NOX4: variants seen among roughly 807,000 people sequenced by gnomAD.
The protein encoded by NOX4 is NADPH oxidase 4.
NOX4 carries 69 observed loss-of-function variants against 87.6 expected under a neutral mutation model. That is an observed-to-expected ratio of 0.79 (90% confidence interval 0.65 to 0.96). NOX4 has a LOEUF of 0.96. Ranked by LOEUF, NOX4 falls within the 40% of genes least tolerant of loss-of-function variation. The pLI, the probability that NOX4 is intolerant of heterozygous loss-of-function variation, is 0.00. For missense variants in NOX4, 680 were observed against 681.5 expected, an observed-to-expected ratio of 1.00 and a Z score of 0.02; for synonymous variants, 275 against 238.2, an observed-to-expected ratio of 1.15 and a Z score of -1.42.
the NOX4 span, among the ~76,000 whole-genome samples, chr11:89,586,844 T>C: frequency 1.3e-4 from 20 of 152,076 alleles, no homozygotes; most frequent in African/African-American, 3.9e-4. Flanking sequence ...TACATTGACA[T>C]GGAGATAGGC....
intron 7 of NOX4, among the ~76,000 whole-genome samples, chr11:89,431,384 C>T (rs1202845772): frequency 2.0e-5 from 3 of 152,088 alleles, no homozygotes; most frequent in African/African-American, 7.2e-5. Context: ...AGCTTCTGCA[C>T]AGCAAAAGAA....
chr11:89,502,503 A>C (rs1447637459), upstream of NOX4, among the ~76,000 whole-genome samples: 1 of 152,060 alleles, frequency 6.6e-6, no homozygotes, highest in African/African-American at 2.4e-5. Flanking sequence ...GAGCAACTCA[A>C]TAAGAAACTG....
At chr11:89,408,377 T>C (rs1942301024) in intron 8 of NOX4, among the ~76,000 whole-genome samples, 1 of 152,204 alleles carries the variant, frequency 6.6e-6, no homozygotes, top group Non-Finnish European at 1.5e-5. Flanking sequence ...GTCTATATTT[T>C]AGCAAATGGC....
chr11:89,492,655 A>G (rs887068845), upstream of NOX4, among the ~76,000 whole-genome samples: 1 of 152,128 alleles, frequency 6.6e-6, no homozygotes, highest in African/African-American at 2.4e-5. Context: ...AATCTTTCTG[A>G]AGTTAGAGAG....
At chr11:89,573,935 G>T in the NOX4 span, among the ~76,000 whole-genome samples, 1 of 152,116 alleles carries the variant, frequency 6.6e-6, no homozygotes, top group Non-Finnish European at 1.5e-5. Context: ...CCCATCTGAG[G>T]ATTCCTTCCC....
chr11:89,420,359 T>C (rs1397369549), intron 8 of NOX4, among the ~76,000 whole-genome samples: 1 of 152,194 alleles, frequency 6.6e-6, no homozygotes, highest in Non-Finnish European at 1.5e-5. Context: ...TGGTTATTCA[T>C]AGTCCTCTTC....
At chr11:89,446,758 G>T (rs1165800850) in intron 4 of NOX4, among the ~76,000 whole-genome samples, 3 of 152,078 alleles carry the variant, frequency 2.0e-5, no homozygotes, top group African/African-American at 7.2e-5. Flanking sequence ...GATTTTTAGG[G>T]CAATGAACTA....
the NOX4 span, among the ~76,000 whole-genome samples, chr11:89,520,208 TA>T: frequency 3.3e-5 from 5 of 151,534 alleles, no homozygotes; most frequent in African/African-American, 1.2e-4. Flanking sequence ...CTGAAGAGGC[TA>T]AAAAAAAGGT....
In NOX4 at chr11:89,355,006, T is replaced by A. The variant is rs770742630; in HGVS notation, c.1173A>T (p.Gln391His). ...FRDLLLPPSS[Q>H]DSEILPFIQS... ...GAATGAAGGGCAGAATTTCGGAGTC[T>A]TGACTAGATGGAGGCAGTAGTAAAT... The change falls in exon 13 of 18, where the codon CAA (glutamine) becomes CAT (histidine). Residue 391 changes from glutamine to histidine, a missense_variant. Coordinates refer to ENST00000263317, the MANE Select transcript of NOX4 (RefSeq NM_016931.5). The A allele has an allele frequency of 1.7e-5, 27 of 1,604,454 alleles. No homozygotes were observed. In the East Asian group the frequency reaches 6.1e-4, roughly 36 times the overall value.
chr11:89,389,014 A>C (rs539274377), intron 11 of NOX4, among the ~76,000 whole-genome samples: 1 of 152,328 alleles, frequency 6.6e-6, no homozygotes, highest in South Asian at 2.1e-4. Flanking sequence ...CCACAGTCAT[A>C]ATACTAGGAA....
At chr11:89,578,395 C>T in the NOX4 span, among the ~76,000 whole-genome samples, 4 of 152,262 alleles carry the variant, frequency 2.6e-5, no homozygotes, top group African/African-American at 4.8e-5. Context: ...CTCTTGACCT[C>T]GTGATCCTCC....
intron 2 of NOX4, among the ~76,000 whole-genome samples, chr11:89,473,486 C>T (rs182229780): frequency 1.3e-5 from 2 of 151,034 alleles, no homozygotes; most frequent in East Asian, 3.9e-4. Context: ...TGAGAGAAAA[C>T]GCACATGACA....
chr11:89,570,281 C>A, the NOX4 span, among the ~76,000 whole-genome samples: 15 of 152,122 alleles, frequency 9.9e-5, no homozygotes, highest in Non-Finnish European at 1.9e-4. Context: ...CATGTTCTCA[C>A]TTATAAGTGG....
At chr11:89,347,039 T>G (rs566750532) in intron 13 of NOX4, among the ~76,000 whole-genome samples, 59 of 152,260 alleles carry the variant, frequency 3.9e-4, no homozygotes, top group Non-Finnish European at 7.5e-4. Flanking sequence ...CATCCAGGTA[T>G]TCGAATTTCA....
intron 17 of NOX4, among the ~76,000 whole-genome samples, chr11:89,334,536 T>C (rs1236382532): frequency 1.3e-5 from 2 of 151,772 alleles, no homozygotes; most frequent in Non-Finnish European, 3.0e-5. Flanking sequence ...GAGATAGGGA[T>C]CATCTTGAAT....
chr11:89,376,621 G>T (rs1052246376), intron 11 of NOX4, among the ~76,000 whole-genome samples: 3 of 152,154 alleles, frequency 2.0e-5, no homozygotes, highest in Non-Finnish European at 4.4e-5. Flanking sequence ...AGTGGCTCAC[G>T]CCTGTAATCC....
the NOX4 span, among the ~76,000 whole-genome samples, chr11:89,573,276 G>T: frequency 6.6e-6 from 1 of 152,334 alleles, no homozygotes; most frequent in South Asian, 2.1e-4. Context: ...GGTGGCTCAT[G>T]CCTGTAATCC....
At chr11:89,454,658 A>C (rs1264916530) in intron 2 of NOX4, among the ~76,000 whole-genome samples, 6 of 152,176 alleles carry the variant, frequency 3.9e-5, no homozygotes, top group Admixed American at 3.9e-4. Flanking sequence ...TAAAAATACA[A>C]AAGTAAATAG....
intron 2 of NOX4, among the ~76,000 whole-genome samples, chr11:89,462,068 A>G (rs1183873135): frequency 6.6e-6 from 1 of 152,160 alleles, no homozygotes; most frequent in Non-Finnish European, 1.5e-5. Flanking sequence ...AGCTAACTGC[A>G]TTACTATAAA....
Sources: allele counts gnomAD v4.1 joint callset (sites outside exome capture counted in the v4.1 genomes callset), GRCh38; gene constraint gnomAD v4.1.1; transcripts MANE v1.5; gene names NCBI Gene and HGNC (gene_info 2026-07-23, HGNC 2026-07-21).